The following LSAMP variants were observed in gnomAD, a reference collection of about 807,000 sequenced individuals.
LSAMP encodes limbic system-associated membrane protein.
In LSAMP, 7 loss-of-function variants were observed where a neutral mutation model predicts 38.6. That is an observed-to-expected ratio of 0.18 (90% CI 0.10 to 0.34). LSAMP has a LOEUF of 0.34. Ranked by LOEUF, LSAMP falls within the 10% of genes least tolerant of loss-of-function variation. LSAMP has a pLI of 1.00. For missense variants in LSAMP, 313 were observed against 420.0 expected, an observed-to-expected ratio of 0.75 and a Z score of 2.23; for synonymous variants, 154 against 166.8, an observed-to-expected ratio of 0.92 and a Z score of 0.59.
At chr3:115,907,319 G>C (rs897635036) in intron 3 of LSAMP, among the ~76,000 whole-genome samples, 1 of 152,110 alleles carries the variant, frequency 6.6e-6, no homozygotes, top group Non-Finnish European at 1.5e-5. Flanking sequence ...CCCTCTGGGA[G>C]GTGATTAGGT....
intron 3 of LSAMP, among the ~76,000 whole-genome samples, chr3:115,999,647 T>A (rs765426712): frequency 5.3e-5 from 8 of 152,178 alleles, no homozygotes; most frequent in Admixed American, 2.6e-4. Context: ...TTCCTTAGAA[T>A]CCTGAAGGTG....
chr3:116,397,640 C>T (rs931176024), intron 1 of LSAMP, among the ~76,000 whole-genome samples: 3 of 151,996 alleles, frequency 2.0e-5, no homozygotes, highest in East Asian at 1.9e-4. Flanking sequence ...ATTATTTCAA[C>T]GAATGCACAA....
chr3:115,983,434 T>A (rs114061918), intron 3 of LSAMP, among the ~76,000 whole-genome samples: 3,734 of 152,206 alleles, frequency 0.025, 72 homozygotes, highest in Non-Finnish European at 0.04. Flanking sequence ...GGTGAGAGGA[T>A]GGCTTGAGCC....
intron 1 of LSAMP, among the ~76,000 whole-genome samples, chr3:116,201,866 A>C (rs2045991416): frequency 6.6e-6 from 1 of 152,208 alleles, no homozygotes; most frequent in South Asian, 2.1e-4. Flanking sequence ...CAGTCCTCTC[A>C]AGGATGCTAG....
chr3:116,094,187 A>G (rs949169416), intron 1 of LSAMP, among the ~76,000 whole-genome samples: 1 of 152,124 alleles, frequency 6.6e-6, no homozygotes, highest in Non-Finnish European at 1.5e-5. Context: ...CTTCATTACC[A>G]TTTTCTAAGA....
intron 2 of LSAMP, among the ~76,000 whole-genome samples, chr3:116,060,859 T>G (rs547509413): frequency 4.6e-5 from 7 of 152,042 alleles, no homozygotes; most frequent in Admixed American, 3.9e-4. Context: ...CCTGAGGAAC[T>G]TGACTTTGAG....
At chr3:116,405,864 C>T (rs2048891397) in intron 1 of LSAMP, among the ~76,000 whole-genome samples, 2 of 151,910 alleles carry the variant, frequency 1.3e-5, no homozygotes, top group Admixed American at 6.6e-5. Flanking sequence ...ATGTGTGAAC[C>T]ATAGTGGGAA....
intron 1 of LSAMP, among the ~76,000 whole-genome samples, chr3:116,252,719 C>T (rs955452692): frequency 2.0e-5 from 3 of 152,232 alleles, no homozygotes; most frequent in Admixed American, 1.3e-4. Flanking sequence ...CCTTAATGCA[C>T]TAAATGTCTA....
intron 6 of LSAMP, among the ~76,000 whole-genome samples, chr3:115,832,582 A>G (rs1651653756): frequency 6.6e-6 from 1 of 152,146 alleles, no homozygotes; most frequent in Non-Finnish European, 1.5e-5. Flanking sequence ...CTCGATTGGA[A>G]AGAGGAGAAG....
chr3:116,079,283 C>G (rs891725483), intron 2 of LSAMP, among the ~76,000 whole-genome samples: 21 of 152,320 alleles, frequency 1.4e-4, no homozygotes, highest in African/African-American at 4.8e-4. Flanking sequence ...ACTCAGAATC[C>G]TTTCTTCTTC....
At chr3:116,003,406 G>C (rs1940057035) in intron 3 of LSAMP, among the ~76,000 whole-genome samples, 1 of 152,054 alleles carries the variant, frequency 6.6e-6, no homozygotes, top group African/African-American at 2.4e-5. Context: ...TTTCAATATT[G>C]CAAGAGTTGG....
intron 4 of LSAMP, among the ~76,000 whole-genome samples, chr3:115,843,115 A>T (rs1051462758): frequency 1.3e-5 from 2 of 152,228 alleles, no homozygotes; most frequent in African/African-American, 4.8e-5. Context: ...CAAAACTAGG[A>T]TTAGGTGACT....
chr3:116,165,268 CTGCAGTTGTGCCCCCATCAT>C (rs578070000), intron 1 of LSAMP, among the ~76,000 whole-genome samples: 89 of 152,338 alleles, frequency 5.8e-4, no homozygotes, highest in Non-Finnish European at 1.0e-3. Context: ...CAGCTATACG[CTGCAGTTGTGCCCCCATCAT>C]TGCAGCTTTC....
chr3:115,883,225 C>G (rs550760976), intron 3 of LSAMP, among the ~76,000 whole-genome samples: 1 of 151,966 alleles, frequency 6.6e-6, no homozygotes, highest in Non-Finnish European at 1.5e-5. Flanking sequence ...GGATTTTGTA[C>G]ATTGCCATCT....
intron 6 of LSAMP, among the ~76,000 whole-genome samples, chr3:115,835,076 T>A (rs1217764180): frequency 1.3e-5 from 2 of 152,208 alleles, no homozygotes; most frequent in African/African-American, 4.8e-5. Flanking sequence ...TTGAAAAATT[T>A]ACTGTGGACA....
chr3:116,407,738 A>G (rs953081209), intron 1 of LSAMP, among the ~76,000 whole-genome samples: 2 of 152,070 alleles, frequency 1.3e-5, no homozygotes, highest in African/African-American at 2.4e-5. Flanking sequence ...AAAATTTGCA[A>G]GCTGAGCATG....
chr3:116,308,271 G>A (rs2047511016), intron 1 of LSAMP, among the ~76,000 whole-genome samples: 1 of 151,884 alleles, frequency 6.6e-6, no homozygotes, highest in African/African-American at 2.4e-5. Context: ...TTTGTTGTCA[G>A]AGCATTTTAC....
chr3:116,111,089 A>G (rs943916244), intron 1 of LSAMP, among the ~76,000 whole-genome samples: 43 of 152,124 alleles, frequency 2.8e-4, no homozygotes, highest in African/African-American at 1.0e-3. Flanking sequence ...AACAAATCAC[A>G]ATGGTGGAAT....
intron 1 of LSAMP, among the ~76,000 whole-genome samples, chr3:116,330,142 T>G (rs1026378941): frequency 2.6e-5 from 4 of 152,160 alleles, no homozygotes; most frequent in African/African-American, 9.6e-5. Flanking sequence ...GTTTCCTCAT[T>G]GAGACAACAA....
Sources: gnomAD v4.1 joint callset for allele counts (sites outside exome capture counted in the v4.1 genomes callset) on GRCh38, gnomAD v4.1.1 for gene constraint, MANE v1.5 for transcripts, NCBI Gene and HGNC (gene_info 2026-07-23, HGNC 2026-07-21) for gene names.